The following PTPRQ variants were observed in gnomAD, a reference collection of about 807,000 sequenced individuals.
PTPRQ encodes the protein protein tyrosine phosphatase receptor type Q, also known as phosphatidylinositol phosphatase PTPRQ.
Under a neutral mutation model 246.0 loss-of-function variants are expected in PTPRQ, and 199 were observed. The observed-to-expected ratio is 0.81, with a 90% CI of 0.72 to 0.91. PTPRQ has a LOEUF of 0.91. Ranked by LOEUF, PTPRQ falls within the 40% of genes least tolerant of loss-of-function variation. PTPRQ has a pLI of 0.00. For missense variants in PTPRQ, 2,624 were observed against 2,528.4 expected (o/e 1.04, Z -0.81); for synonymous variants, 869 against 853.2 (o/e 1.02, Z -0.32).
intron 43 of PTPRQ, among the ~76,000 whole-genome samples, chr12:80,673,520 A>G (rs1901039423): frequency 6.6e-6 from 1 of 152,150 alleles, no homozygotes; most frequent in Non-Finnish European, 1.5e-5. Context: ...ATTGTTACTG[A>G]TGGCTCATCT....
At chr12:80,454,613 T>C in intron 3 of PTPRQ, 1 of 687,374 alleles carries the variant, frequency 1.5e-6, no homozygotes, top group Non-Finnish European at 2.6e-6. Context: ...TTGTCATATA[T>C]AGCTCTTATT....
At position 80,621,988 on chromosome 12, in the gene PTPRQ, TTAC is replaced by T. The variant is rs1899009248; in HGVS notation, c.5613-71_5613-69del. 9.6e-6 allele frequency: 10 copies of T among 1,037,596 alleles called. No individual in the cohort carries two copies. In the East Asian group the frequency reaches 3.3e-4, roughly 34 times the overall value. 64.3% of individuals were successfully genotyped at this position (1,037,596 alleles called of 1,614,324 possible). On this transcript the variant is annotated intron_variant, in intron 32 of 44. Transcript: ENST00000644991. Reference sequence around the variant, plus strand: ...TGAATTAAATAAATAGTTTTTATAATTACTTCTTGAGTTATTCATAGGAAAAAT... The same window carrying T: ...TGAATTAAATAAATAGTTTTTATAATTTCTTGAGTTATTCATAGGAAAAAT...
At position 80,495,191 on chromosome 12, in the gene PTPRQ, G is replaced by C. The variant is rs1894574374; in HGVS notation, c.1703-1G>C. ...TTCATATGTTCATTCTTCTTTTTAA[G>C]TGCCAAGCTCCATTAAAATTATAAA... On this transcript the variant is annotated splice_acceptor_variant, in intron 11 of 44. Coordinates refer to ENST00000644991, the MANE Select transcript of PTPRQ (RefSeq NM_001145026.2). LOFTEE classifies it high-confidence loss of function. The C allele has an allele frequency of 6.5e-7, 1 of 1,543,340 alleles. No individual in the cohort carries two copies. Among genetic ancestry groups the C allele is most frequent in the Admixed American group, 2.0e-5 (1 of 49,300 alleles).
At position 80,493,365 on chromosome 12, in the gene PTPRQ, C is replaced by T. The variant is rs1894510938; in HGVS notation, c.1450C>T (p.Leu484Phe). ...YEGSAEMSSD[L>F]HSLATFIYNS... ...GGGTTCAGCAGAGATGTCGTCTGAC[C>T]TTCACTCACTTGCTACATTTATATA... Residue 484 changes from leucine to phenylalanine, a missense_variant, in exon 10 of 45, where the codon CTT (leucine) becomes TTT (phenylalanine). By Grantham distance (22) the Leu-to-Phe change is conservative. Coordinates refer to ENST00000644991, the MANE Select transcript of PTPRQ (RefSeq NM_001145026.2). 1.9e-6 allele frequency: 3 copies of T among 1,550,122 alleles called. No homozygotes were observed. The highest frequency in any genetic ancestry group is 2.6e-6 in the Non-Finnish European group (3 of 1,145,944).
At chr12:80,530,683 A>C (rs1895819224) in intron 17 of PTPRQ, among the ~76,000 whole-genome samples, 1 of 152,228 alleles carries the variant, frequency 6.6e-6, no homozygotes, top group Admixed American at 6.5e-5. Context: ...AGGAATGGCT[A>C]ACTAAAATCT....
rs1366517952 is a variant in PTPRQ at position 80,608,475 on chromosome 12, A to G, written c.4732-1964A>G. Among the ~76,000 whole-genome samples, 3 of 149,504 alleles carry G rather than the reference A, an allele frequency of 2.0e-5. No homozygotes were observed. In the East Asian group the frequency reaches 6.0e-4, roughly 30 times the overall value. On this transcript the variant is annotated intron_variant, in intron 27 of 44. Transcript: ENST00000644991. ...TTAAATACTTTTAAAGATATAATATATGCGTGCCATGTCATATTTTGCGAC... is the reference window on the plus strand; with the variant it reads ...TTAAATACTTTTAAAGATATAATATGTGCGTGCCATGTCATATTTTGCGAC...
chr12:80,619,793 A>G, intron 31 of PTPRQ, among the ~76,000 whole-genome samples: 1 of 151,568 alleles, frequency 6.6e-6, no homozygotes, highest in East Asian at 1.9e-4. Flanking sequence ...TTACCTATCA[A>G]GAAAGGCACA....
At chr12:80,593,374 CA>C (rs1365211082) in intron 26 of PTPRQ, among the ~76,000 whole-genome samples, 1 of 152,102 alleles carries the variant, frequency 6.6e-6, no homozygotes, top group African/African-American at 2.4e-5. Context: ...GAGCCCATAA[CA>C]AAGAGCATCA....
chr12:80,480,386 A>C (rs11114474), intron 8 of PTPRQ, among the ~76,000 whole-genome samples: 43,229 of 151,764 alleles, frequency 0.28, 7,743 homozygotes, highest in African/African-American at 0.5. Flanking sequence ...GTGTAGAGGG[A>C]AATTTATAGC....
intron 39 of PTPRQ, among the ~76,000 whole-genome samples, chr12:80,667,469 A>G (rs1454380306): frequency 6.6e-6 from 1 of 151,994 alleles, no homozygotes; most frequent in East Asian, 1.9e-4. Flanking sequence ...ACTTTCTCTC[A>G]TAGCCCTTAT....
chr12:80,548,632 A>G (rs1592640952), intron 24 of PTPRQ, among the ~76,000 whole-genome samples: 1 of 151,992 alleles, frequency 6.6e-6, no homozygotes, highest in South Asian at 2.1e-4. Flanking sequence ...ATTTTCTTTC[A>G]ATTTTCATTG....
At chr12:80,495,407 C>A in intron 12 of PTPRQ, 36 bp downstream of exon 12, 2 of 863,892 alleles carry the variant, frequency 2.3e-6, no homozygotes, top group South Asian at 4.1e-5. Context: ...TGTTGTTGTT[C>A]ATTTTACATT....
chr12:80,636,025 A>G (rs954369976), intron 35 of PTPRQ, among the ~76,000 whole-genome samples: 5 of 152,222 alleles, frequency 3.3e-5, no homozygotes, highest in Middle Eastern at 3.2e-3. Context: ...TTTCCAGCAT[A>G]TCTAAAAATA....
At chr12:80,498,847 A>C (rs1386649055) in intron 14 of PTPRQ, among the ~76,000 whole-genome samples, 1 of 151,902 alleles carries the variant, frequency 6.6e-6, no homozygotes, top group Non-Finnish European at 1.5e-5. Flanking sequence ...TTATAAAGCA[A>C]TGTTTTTGTT....
chr12:80,572,385 T>C (rs2120959840), intron 25 of PTPRQ, among the ~76,000 whole-genome samples: 1 of 152,214 alleles, frequency 6.6e-6, no homozygotes, highest in African/African-American at 2.4e-5. Flanking sequence ...TAAATTTACT[T>C]CTTAGTTCTG....
chr12:80,477,306 A>G (rs2120567559), intron 8 of PTPRQ, among the ~76,000 whole-genome samples: 1 of 152,334 alleles, frequency 6.6e-6, no homozygotes. Flanking sequence ...ATTTAATTGC[A>G]TTCAGAGTCT....
intron 42 of PTPRQ, among the ~76,000 whole-genome samples, chr12:80,671,783 T>G (rs939806738): frequency 6.6e-6 from 1 of 152,050 alleles, no homozygotes; most frequent in Non-Finnish European, 1.5e-5. Context: ...AAAGCAAGTT[T>G]TTCTGTTTGA....
At chr12:80,585,976 A>G (rs1897603607) in intron 25 of PTPRQ, among the ~76,000 whole-genome samples, 1 of 148,344 alleles carries the variant, frequency 6.7e-6, no homozygotes, top group African/African-American at 2.5e-5. Context: ...GAGTGAGAAT[A>G]TGTGGTGTTT....
intron 11 of PTPRQ, 36 bp from the exon 12 acceptor site, chr12:80,495,156 T>C: frequency 1.9e-6 from 3 of 1,544,202 alleles, no homozygotes; most frequent in Non-Finnish European, 2.6e-6. Context: ...ACTGTGATAC[T>C]TTTTTTTCAT....
Sources: allele counts gnomAD v4.1 joint callset (sites outside exome capture counted in the v4.1 genomes callset), GRCh38; gene constraint gnomAD v4.1.1; transcripts MANE v1.5; gene names NCBI Gene and HGNC (gene_info 2026-07-23, HGNC 2026-07-21).